The following RGS12 variants were observed in gnomAD, a reference collection of about 807,000 sequenced individuals.
RGS12 encodes the protein regulator of G-protein signaling 12.
In RGS12, 66 loss-of-function variants were observed where a neutral mutation model predicts 120.1. That is an observed-to-expected ratio of 0.55 (90% CI 0.45 to 0.67). The LOEUF is 0.67. Among genes scored for constraint, RGS12 ranks in the 30% least tolerant of loss-of-function variants. RGS12 has a pLI of 0.00. For missense variants in RGS12, 1,859 were observed against 1,957.7 expected (o/e 0.95, Z 0.95); for synonymous variants, 827 against 804.7 (o/e 1.03, Z -0.47).
At chr4:3,339,764 A>G (rs1712853161) in intron 2 of RGS12, among the ~76,000 whole-genome samples, 1 of 152,112 alleles carries the variant, frequency 6.6e-6, no homozygotes, top group South Asian at 2.1e-4. Context: ...ATGTCCTCAC[A>G]GTGTGTTTTG....
chr4:3,393,467 C>A (rs1386574945), intron 4 of RGS12, among the ~76,000 whole-genome samples: 1 of 152,150 alleles, frequency 6.6e-6, no homozygotes, highest in Non-Finnish European at 1.5e-5. Context: ...CCGATTCTGA[C>A]CTGTCTCCTC....
intron 4 of RGS12, among the ~76,000 whole-genome samples, chr4:3,408,864 C>T (rs530705498): frequency 3.0e-4 from 45 of 152,292 alleles, no homozygotes; most frequent in African/African-American, 9.9e-4. Context: ...GGAGGAATTA[C>T]TGGAGCACAA....
intron 4 of RGS12, 180 bp from the exon 5 acceptor site, chr4:3,413,892 A>C: frequency 1.6e-6 from 1 of 623,338 alleles, no homozygotes; most frequent in Admixed American, 3.0e-5. Flanking sequence ...TCCCTGCTCC[A>C]TCCCTGTGTG....
At chr4:3,290,310 A>C (rs922369765), upstream of RGS12, among the ~76,000 whole-genome samples, 4 of 152,192 alleles carry the variant, frequency 2.6e-5, no homozygotes. Context: ...CTGTTGAGCA[A>C]ACATCTCCAC....
intron 2 of RGS12, among the ~76,000 whole-genome samples, chr4:3,321,808 C>T (rs1348919057): frequency 6.6e-6 from 1 of 152,214 alleles, no homozygotes; most frequent in Non-Finnish European, 1.5e-5. Context: ...CTTAGGCACT[C>T]GCCCTTAGCC....
intron 3 of RGS12, among the ~76,000 whole-genome samples, chr4:3,362,994 TGA>T (rs375635229): frequency 1.2e-4 from 18 of 150,662 alleles, no homozygotes; most frequent in African/African-American, 3.4e-4. Context: ...TGTATATGTG[TGA>T]GAGTGTGCAC....
Position 3,415,975 on chromosome 4 carries a change from C to T in RGS12, c.2284-3C>T. 6.2e-7 allele frequency: 1 copy of T among 1,605,448 alleles called. No individual in the cohort carries two copies. The highest frequency in any genetic ancestry group is 8.5e-7 in the Non-Finnish European group (1 of 1,176,184). ...CGGGCTGCTCAGGTGCCTTTCCTGT[C>T]AGCTTTCCTACAGGGCCCGGGAGAT... On this transcript the variant is annotated splice_region_variant and splice_polypyrimidine_tract_variant and intron_variant, in intron 6 of 17. Coordinates refer to ENST00000336727, the MANE Select transcript of RGS12 (RefSeq NM_001394154.1).
intron 3 of RGS12, among the ~76,000 whole-genome samples, chr4:3,361,456 G>A (rs541427421): frequency 4.0e-4 from 61 of 152,292 alleles, no homozygotes; most frequent in African/African-American, 1.2e-3. Flanking sequence ...GCATCAGCCC[G>A]GAGCAGGCTG....
At chr4:3,302,573 A>C (rs958744841) in intron 1 of RGS12, among the ~76,000 whole-genome samples, 1 of 152,142 alleles carries the variant, frequency 6.6e-6, no homozygotes, top group African/African-American at 2.4e-5. Flanking sequence ...CCCTGCTTAC[A>C]GAAGTGGTTC....
chr4:3,355,816 A>AAG (rs1714835620), intron 3 of RGS12, among the ~76,000 whole-genome samples: 1 of 148,820 alleles, frequency 6.7e-6, no homozygotes, highest in Non-Finnish European at 1.5e-5. Context: ...AAAAAAAAAA[A>AAG]GGAAAAAAGA....
Position 3,423,582 on chromosome 4 carries a change from G to C in RGS12, c.3175G>C (p.Val1059Leu). The change falls in exon 13 of 18, where the codon GTG (valine) becomes CTG (leucine). Residue 1059 changes from valine to leucine, a missense_variant. Val to Leu is a conservative substitution (Grantham distance 32). Coordinates refer to ENST00000336727, the MANE Select transcript of RGS12 (RefSeq NM_001394154.1). ...CAAGCCCACCAAGCCCGTCACGGAGGTGCTGCGGCCCGTGGTGGCCAGATA... is the reference window on the plus strand; with the variant it reads ...CAAGCCCACCAAGCCCGTCACGGAGCTGCTGCGGCCCGTGGTGGCCAGATA... ...KAKPTKPVTE[V>L]LRPVVARYGL... is the part of the protein sequence containing the mutation. 1 of 1,612,752 alleles carries C rather than the reference G, an allele frequency of 6.2e-7. No homozygotes were observed. Among genetic ancestry groups the C allele is most frequent in the Non-Finnish European group, 8.5e-7 (1 of 1,179,968 alleles).
intron 1 of RGS12, among the ~76,000 whole-genome samples, chr4:3,304,991 A>G (rs1447480249): frequency 6.6e-6 from 1 of 152,194 alleles, no homozygotes; most frequent in African/African-American, 2.4e-5. Context: ...TTCCATGCAC[A>G]CTCATGAGGC....
intron 1 of RGS12, among the ~76,000 whole-genome samples, chr4:3,302,564 C>G (rs913590371): frequency 9.9e-5 from 15 of 152,232 alleles, no homozygotes; most frequent in Admixed American, 1.3e-4. Context: ...CTCCGCTCCC[C>G]CTGCTTACAG....
chr4:3,316,054 C>T lies in RGS12; in HGVS notation c.-101-16C>T, dbSNP rs1022022891. The T allele has an allele frequency of 1.1e-5, 11 of 1,002,834 alleles. No individual in the cohort carries two copies. The highest frequency in any genetic ancestry group is 5.1e-5 in the Admixed American group (2 of 39,076). The allele number at this position is 1,002,834 out of a possible 1,614,324, so 62.1% of individuals were successfully genotyped here. ...ATGGGCTCTTTAATAATGAGCTGTT[C>T]GTTTTTCTTTCTTAGGGCACTGTTT... On this transcript the variant is annotated splice_polypyrimidine_tract_variant and intron_variant, in intron 1 of 17. Transcript: ENST00000336727.
chr4:3,415,398 T>C (rs1319001699), intron 6 of RGS12, among the ~76,000 whole-genome samples: 2 of 152,356 alleles, frequency 1.3e-5, no homozygotes, highest in African/African-American at 4.8e-5. Context: ...AGCCACAGCT[T>C]TCACAGCAGA....
chr4:3,415,103 GTC>G (rs1722231203), intron 6 of RGS12, among the ~76,000 whole-genome samples: 2 of 148,446 alleles, frequency 1.3e-5, no homozygotes, highest in Non-Finnish European at 3.0e-5. Flanking sequence ...CGTGTGAGAG[GTC>G]GCGTGTGAGA....
chr4:3,299,718 A>G (rs1168669848), intron 1 of RGS12, among the ~76,000 whole-genome samples: 3 of 152,218 alleles, frequency 2.0e-5, no homozygotes, highest in African/African-American at 7.2e-5. Flanking sequence ...CTGGATCTTA[A>G]GTGTTAGCCT....
At chr4:3,394,281 G>T (rs1577040772) in intron 4 of RGS12, among the ~76,000 whole-genome samples, 1 of 151,986 alleles carries the variant, frequency 6.6e-6, no homozygotes, top group Non-Finnish European at 1.5e-5. Context: ...TTGTGCCTCA[G>T]TCTCTCAAGT....
intron 3 of RGS12, among the ~76,000 whole-genome samples, chr4:3,362,197 G>A (rs1193739461): frequency 6.6e-6 from 1 of 152,156 alleles, no homozygotes. Context: ...CCGAGGTGGG[G>A]GACATGGGGT....
Sources: allele counts gnomAD v4.1 joint callset (sites outside exome capture counted in the v4.1 genomes callset), GRCh38; gene constraint gnomAD v4.1.1; transcripts MANE v1.5; gene names NCBI Gene and HGNC (gene_info 2026-07-23, HGNC 2026-07-21).